Variants in MAMDC4 observed in about 807,000 individuals in gnomAD.
MAMDC4 encodes the protein apical endosomal glycoprotein.
A neutral mutation model predicts 153.3 loss-of-function variants in MAMDC4; 168 were observed. The ratio of observed to expected loss-of-function variants is 1.10; its 90% CI spans 0.97 to 1.25. The LOEUF is 1.25. MAMDC4 is among the 50% of genes most tolerant of loss of function. MAMDC4 has a pLI of 0.00. For missense variants in MAMDC4, 1,701 were observed against 1,542.8 expected (o/e 1.10, Z -1.72); for synonymous variants, 744 against 651.5 (o/e 1.14, Z -2.16).
In MAMDC4 at chr9:136,854,547, A is replaced by G. The variant is rs1309029862; in HGVS notation, c.805A>G (p.Ile269Val). The part of the protein sequence containing the change: ...DENPLTCGRH[I>V]ATDFETGLGP... ...CCCACCTCCTGCCCTAGGCCGCCAC[A>G]TAGCCACCGACTTTGAGACAGGCCT... Residue 269 changes from isoleucine to valine, a missense_variant, in exon 8 of 27, where the codon ATA (isoleucine) becomes GTA (valine). Coordinates refer to ENST00000317446, the MANE Select transcript of MAMDC4 (RefSeq NM_206920.3). The G allele has an allele frequency of 6.2e-7, 1 of 1,605,436 alleles. No homozygotes were observed. The highest frequency in any genetic ancestry group is 1.3e-5 in the African/African-American group (1 of 74,786).
At chr9:136,856,376 T>TCC in intron 14 of MAMDC4, 1 of 866,160 alleles carries the variant, frequency 1.2e-6, no homozygotes, top group Non-Finnish European at 2.0e-6. Context: ...CCGCCGGCCC[T>TCC]TCCGGGTGAG....
chr9:136,857,214 G>A lies in MAMDC4; in HGVS notation c.2022G>A (p.Trp674Ter). 1 of 1,611,636 alleles carries A rather than the reference G, an allele frequency of 6.2e-7. No homozygotes were observed. Among genetic ancestry groups the A allele is most frequent in the Non-Finnish European group, 8.5e-7 (1 of 1,179,522 alleles). ...MRREGEETHL[W>*]SRSGTQGNRW... ...GGGAAGGGGAGGAGACACACCTGTG[G>A]TCGCGGTCAGGCACCCAGGGCAACC... The change falls in exon 17 of 27, where the codon TGG (tryptophan) becomes TGA (stop). Residue 674 changes from tryptophan to a stop codon, truncating the protein, a stop_gained. Transcript: ENST00000317446. LOFTEE classifies it high-confidence loss of function.
At chr9:136,860,116 G>A (rs757654512) in intron 26 of MAMDC4, 52 bp downstream of exon 26, 11 of 1,486,490 alleles carry the variant, frequency 7.4e-6, no homozygotes, top group Admixed American at 6.8e-5. Context: ...CAGCTGTGAC[G>A]CTGGAGGGCG....
chr9:136,854,238 A>G lies in MAMDC4; in HGVS notation c.698A>G (p.His233Arg), dbSNP rs151266186. The part of the protein sequence containing the change: ...PTPQANCPPG[H>R]HHCQNKVCVE... ...CCCCAGGCCAACTGTCCCCCGGGAC[A>G]CCACCACTGCCAGAACAAGGTCTGC... Residue 233 changes from histidine (H) to arginine (R), a missense_variant, in exon 7 of 27, where the codon CAC becomes CGC. By Grantham distance (29) the His-to-Arg change is conservative (BLOSUM62 0). Coordinates refer to ENST00000317446, the MANE Select transcript of MAMDC4 (RefSeq NM_206920.3). The G allele has an allele frequency of 2.0e-3, 3,217 of 1,611,700 alleles. 9 individuals carry two copies. Among genetic ancestry groups the G allele is most frequent in the Non-Finnish European group, 2.5e-3 (2,940 of 1,179,576 alleles).
In MAMDC4 at chr9:136,855,322, C is replaced by T; in HGVS notation, c.1266C>T (p.His422=). 1 of 1,607,164 alleles carries T rather than the reference C, an allele frequency of 6.2e-7. No individual in the cohort carries two copies. Among genetic ancestry groups the T allele is most frequent in the Non-Finnish European group, 8.5e-7 (1 of 1,176,722 alleles). ...VGLDDLILSD[H]CRPVSEVSTL... ...TGGACGACCTCATCCTGTCTGACCACTGCAGACCAGTCTCGGGTGAGCCTG... is the reference window on the plus strand; with the variant it reads ...TGGACGACCTCATCCTGTCTGACCATTGCAGACCAGTCTCGGGTGAGCCTG... The change falls in exon 11 of 27, where the codon CAC becomes CAT. Residue 422 remains histidine, a synonymous_variant. Transcript: ENST00000317446.
Position 136,856,774 on chromosome 9 carries a change from C to G in MAMDC4, c.1785C>G (p.His595Gln), listed in dbSNP as rs749690670. 1.2e-6 allele frequency: 2 copies of G among 1,612,052 alleles called. No individual in the cohort carries two copies. Among genetic ancestry groups the G allele is most frequent in the Non-Finnish European group, 1.7e-6 (2 of 1,179,624 alleles). ...SWYPGHLSDT[H>Q]WRWVESRGPD... ...ACCCAGGCCACCTCTCAGACACACA[C>G]TGGCGCTGGGTGGAGAGCCGCGGCC... Residue 595 changes from histidine (H) to glutamine (Q), a missense_variant, in exon 15 of 27, where the codon CAC becomes CAG. By Grantham distance (24) the His-to-Gln change is conservative. Coordinates refer to ENST00000317446, the MANE Select transcript of MAMDC4 (RefSeq NM_206920.3).
At position 136,853,447 on chromosome 9, in the gene MAMDC4, G is replaced by GCAC; in HGVS notation, c.319_321dup (p.Thr107dup). 6.2e-7 allele frequency: 1 copy of GCAC among 1,602,556 alleles called. No homozygotes were observed. On this transcript the variant is annotated inframe_insertion, in exon 3 of 27. Transcript: ENST00000317446. ...GGGCCTCACTCAGACCACACACTGG[G>GCAC]CACCGACTTGGGTGAGGCCAGGGCA...
intron 26 of MAMDC4, 97 bp from the exon 27 acceptor site, chr9:136,860,465 G>A (rs1849072399): frequency 2.3e-6 from 3 of 1,321,066 alleles, no homozygotes; most frequent in East Asian, 5.0e-5. Flanking sequence ...GGGTTGCAGT[G>A]AGCGAAGATC....
rs1385178173 is a variant in MAMDC4 at position 136,855,833 on chromosome 9, A to G, written c.1573A>G (p.Ser525Gly). Residue 525 changes from serine (S) to glycine (G), a missense_variant, in exon 13 of 27, where the codon AGT becomes GGT. Ser to Gly is a moderately conservative substitution (Grantham distance 56). Transcript: ENST00000317446. ...CTCAGCCCAGGAGAGCCAGGGGTCC[A>G]GTGCAGCTGCTGCTGGTGAGGCCCA... ...RVSAQESQGSSAAAAGHFLSL... is the reference protein window; with the variant it reads ...RVSAQESQGSGAAAAGHFLSL... The G allele has an allele frequency of 2.6e-6, 4 of 1,515,296 alleles. No individual in the cohort carries two copies. In the Admixed American group the frequency reaches 6.5e-5, roughly 24 times the overall value. 93.9% of individuals were successfully genotyped at this position (1,515,296 alleles called of 1,614,324 possible).
rs769521972 is a variant in MAMDC4 at position 136,857,189 on chromosome 9, G to A, written c.1997G>A (p.Arg666Gln). The change falls in exon 17 of 27, where the codon CGG becomes CAG. Residue 666 changes from arginine (R) to glutamine (Q), a missense_variant. Physicochemically the swap from Arg to Gln is conservative, Grantham distance 43 (BLOSUM62 1). Coordinates refer to ENST00000317446, the MANE Select transcript of MAMDC4 (RefSeq NM_206920.3). Reference sequence around the variant, plus strand: ...GGGACTCTGCGCCTAGCCATGAGACGGGAAGGGGAGGAGACACACCTGTGG... The same window carrying A: ...GGGACTCTGCGCCTAGCCATGAGACAGGAAGGGGAGGAGACACACCTGTGG... The part of the protein sequence containing the change: ...QIGTLRLAMR[R>Q]EGEETHLWSR... 116 of 1,612,190 alleles carry A rather than the reference G, an allele frequency of 7.2e-5. 1 individual carries two copies. The Admixed American group carries it at 1.4e-3, about 19-fold the overall frequency.
In MAMDC4 at chr9:136,857,560, C is replaced by A; in HGVS notation, c.2300C>A (p.Thr767Lys). 1 of 1,612,318 alleles carries A rather than the reference C, an allele frequency of 6.2e-7. No homozygotes were observed. The highest frequency in any genetic ancestry group is 8.5e-7 in the Non-Finnish European group (1 of 1,179,950). ...ASGHAAWGPPTDHTTETAQGH... is the reference protein window; with the variant it reads ...ASGHAAWGPPKDHTTETAQGH... ...GGCCATGCTGCCTGGGGCCCCCCAACAGACCATACCACTGAGACAGCCCAA... is the reference window on the plus strand; with the variant it reads ...GGCCATGCTGCCTGGGGCCCCCCAAAAGACCATACCACTGAGACAGCCCAA... The change falls in exon 18 of 27, where the codon ACA becomes AAA. Residue 767 changes from threonine (T) to lysine (K), a missense_variant. By Grantham distance (78) the Thr-to-Lys change is moderately conservative. Coordinates refer to ENST00000317446, the MANE Select transcript of MAMDC4 (RefSeq NM_206920.3).
intron 25 of MAMDC4, chr9:136,859,642 T>G: frequency 1.7e-6 from 1 of 597,624 alleles, no homozygotes; most frequent in Non-Finnish European, 2.9e-6. Flanking sequence ...AGCCACTGAC[T>G]GCTCTCACTT....
rs1233375603 is a variant in MAMDC4 at position 136,853,672 on chromosome 9, T to C, written c.454+2T>C. ...TCTGGTACCACGCGGCCTCTGGAGG[T>C]GCACCCTGGACCCCCAAGGCTCGTG... is the stretch of plus-strand genomic sequence containing the variant. On this transcript the variant is annotated splice_donor_variant, in intron 4 of 26. Coordinates refer to ENST00000317446, the MANE Select transcript of MAMDC4 (RefSeq NM_206920.3). LOFTEE classifies it high-confidence loss of function. 1.4e-6 allele frequency: 2 copies of C among 1,387,334 alleles called. No homozygotes were observed. The allele number at this position is 1,387,334 out of a possible 1,614,324, so 85.9% of individuals were successfully genotyped here.
rs1040538209 is a variant in MAMDC4, at chr9:136,856,897, C to T, written c.1838-10C>T. 2 of 1,609,868 alleles carry T rather than the reference C, an allele frequency of 1.2e-6. No homozygotes were observed. The highest frequency in any genetic ancestry group is 1.7e-6 in the Non-Finnish European group (2 of 1,177,756). ...GGCATCTCTGCAGCACAGCCCCATG[C>T]CCCCTGCAGGCCACTTTGTGCTCCT... On this transcript the variant is annotated splice_polypyrimidine_tract_variant and intron_variant, in intron 15 of 26. Transcript: ENST00000317446.
At position 136,855,560 on chromosome 9, in the gene MAMDC4, C is replaced by G. The variant is rs779045208; in HGVS notation, c.1412C>G (p.Pro471Arg). 1.3e-6 allele frequency: 2 copies of G among 1,591,568 alleles called. No individual in the cohort carries two copies. Among genetic ancestry groups the G allele is most frequent in the East Asian group, 2.3e-5 (1 of 43,896 alleles). The change falls in exon 12 of 27, where the codon CCG (proline) becomes CGG (arginine). Residue 471 changes from proline (P) to arginine (R), a missense_variant. Coordinates refer to ENST00000317446, the MANE Select transcript of MAMDC4 (RefSeq NM_206920.3). ...GCCTGCGGGGACCTGTGTGTGCCCC[C>G]GGAACAACTGTGTGACTTCGAGGAG... is the stretch of plus-strand genomic sequence containing the variant. Reference protein sequence around the residue: ...HLACGDLCVPPEQLCDFEEQC... With the variant: ...HLACGDLCVPREQLCDFEEQC...
chr9:136,859,548 C>G lies in MAMDC4; in HGVS notation c.3193+231C>G, dbSNP rs2131240257. ...CTGGGGTGCAGCCTCTGGGGCCTGC[C>G]CTGCCTGGCTGTGGCCTCTGTGCTC... is the stretch of plus-strand genomic sequence containing the variant. On this transcript the variant is annotated intron_variant, in intron 25 of 26. Transcript: ENST00000317446. 3 of 594,998 alleles carry G rather than the reference C, an allele frequency of 5.0e-6. No individual in the cohort carries two copies. In the South Asian group the frequency reaches 6.2e-5, roughly 12 times the overall value. 36.9% of individuals were successfully genotyped at this position (594,998 alleles called of 1,614,324 possible).
intron 22 of MAMDC4, 45 bp from the exon 23 acceptor site, chr9:136,858,674 C>T (rs779161735): frequency 6.8e-6 from 11 of 1,609,144 alleles, no homozygotes; most frequent in African/African-American, 1.3e-5. Flanking sequence ...GCCCTGAGGG[C>T]TGGCTCTGCC....
intron 1 of MAMDC4, among the ~76,000 whole-genome samples, 197 bp from the exon 2 acceptor site, chr9:136,852,905 G>A (rs1407331313): frequency 6.6e-6 from 1 of 152,214 alleles, no homozygotes; most frequent in African/African-American, 2.4e-5. Flanking sequence ...TTCAGGGCTG[G>A]AAACAGGAAC....
chr9:136,858,231 G>A lies in MAMDC4; in HGVS notation c.2629G>A (p.Ala877Thr), dbSNP rs1331433006. The A allele has an allele frequency of 2.5e-6, 4 of 1,601,340 alleles. No homozygotes were observed. Among genetic ancestry groups the A allele is most frequent in the Admixed American group, 1.7e-5 (1 of 59,584 alleles). Residue 877 changes from alanine (A) to threonine (T), a missense_variant, in exon 21 of 27, where the codon GCT becomes ACT. Coordinates refer to ENST00000317446, the MANE Select transcript of MAMDC4 (RefSeq NM_206920.3). Reference protein sequence around the residue: ...VAAGVAHSYVALDDLLLQDGP... With the variant: ...VAAGVAHSYVTLDDLLLQDGP... ...CGCAGGCGTGGCACACTCCTACGTG[G>A]CTCTGGATGATCTGCTCCTCCAGGA...
Sources: allele counts gnomAD v4.1 joint callset (sites outside exome capture counted in the v4.1 genomes callset), GRCh38; gene constraint gnomAD v4.1.1; transcripts MANE v1.5; gene names NCBI Gene and HGNC (gene_info 2026-07-23, HGNC 2026-07-21).